GRM3: variants seen among roughly 807,000 people sequenced by gnomAD.
The protein encoded by GRM3 is metabotropic glutamate receptor 3.
GRM3 carries 26 observed loss-of-function variants against 70.5 expected under a neutral mutation model. The ratio of observed to expected loss-of-function variants is 0.37; its 90% CI spans 0.27 to 0.51. The LOEUF is 0.51. Among genes scored for constraint, GRM3 ranks in the 20% least tolerant of loss-of-function variants. The probability of loss-of-function intolerance (pLI) is 0.93; values close to 1 mark genes in which losing one functional copy is unlikely to be tolerated. For synonymous variants in GRM3, 443 were observed against 434.9 expected (o/e 1.02, Z -0.23); for missense variants, 859 against 1,123.8 (o/e 0.76, Z 3.37).
intron 1 of GRM3, among the ~76,000 whole-genome samples, chr7:86,694,305 C>A (rs1246914378): frequency 2.0e-5 from 3 of 151,864 alleles, no homozygotes; most frequent in African/African-American, 7.3e-5. Context: ...GCGGGCAGAT[C>A]ACGAGGTCAG....
intron 4 of GRM3, among the ~76,000 whole-genome samples, chr7:86,842,669 C>T (rs916313502): frequency 1.3e-5 from 2 of 152,172 alleles, no homozygotes; most frequent in African/African-American, 4.8e-5. Context: ...GTTTATATCT[C>T]AGTACTTTGC....
chr7:86,695,169 C>CA (rs931243072), intron 1 of GRM3, among the ~76,000 whole-genome samples: 11 of 151,650 alleles, frequency 7.3e-5, no homozygotes, highest in African/African-American at 1.7e-4. Context: ...GAACTGTAGG[C>CA]AAAAAAAGAC....
intron 4 of GRM3, among the ~76,000 whole-genome samples, chr7:86,842,663 A>C (rs527603794): frequency 6.6e-6 from 1 of 152,322 alleles, no homozygotes; most frequent in African/African-American, 2.4e-5. Context: ...AACAAGGTTT[A>C]TATCTCAGTA....
chr7:86,807,352 C>T (rs374462903), intron 3 of GRM3, among the ~76,000 whole-genome samples: 1 of 114,542 alleles, frequency 8.7e-6, no homozygotes, highest in Admixed American at 8.1e-5. Flanking sequence ...GCCATTTTCA[C>T]GATATTGATT....
chr7:86,856,957 G>T (rs1798861737), intron 5 of GRM3, among the ~76,000 whole-genome samples: 1 of 151,996 alleles, frequency 6.6e-6, no homozygotes, highest in Non-Finnish European at 1.5e-5. Flanking sequence ...GAGAAAACTA[G>T]GGCCCTATCT....
intron 1 of GRM3, among the ~76,000 whole-genome samples, chr7:86,713,286 A>G (rs950572042): frequency 1.3e-5 from 2 of 152,024 alleles, no homozygotes; most frequent in African/African-American, 4.8e-5. Context: ...CTTTTGAGAA[A>G]TATATATTCA....
At chr7:86,715,187 C>T (rs1584188560) in intron 1 of GRM3, among the ~76,000 whole-genome samples, 2 of 151,952 alleles carry the variant, frequency 1.3e-5, no homozygotes, top group Admixed American at 1.3e-4. Context: ...CAATAAAGGT[C>T]AAATATAAAT....
At position 86,839,490 on chromosome 7, in the gene GRM3, T is replaced by C; in HGVS notation, c.1976T>C (p.Leu659Pro). 6.2e-7 allele frequency: 1 copy of C among 1,610,400 alleles called. No homozygotes were observed. The highest frequency in any genetic ancestry group is 8.5e-7 in the Non-Finnish European group (1 of 1,177,866). The change falls in exon 4 of 6, where the codon CTG (leucine) becomes CCG (proline). Residue 659 changes from leucine (L) to proline (P), a missense_variant. Transcript: ENST00000361669. This position sits in a 1 kb window ranked among gnomAD's most constrained non-coding sequence, Gnocchi z 4.5. The part of the protein sequence containing the change: ...GSSFAICYSA[L>P]LTKTNCIARI... ...TCCTTCGCTATCTGTTACTCAGCCC[T>C]GCTGACCAAGACAAACTGCATTGCC...
intron 3 of GRM3, among the ~76,000 whole-genome samples, chr7:86,824,114 G>A (rs1272159087): frequency 6.6e-6 from 1 of 152,156 alleles, no homozygotes; most frequent in African/African-American, 2.4e-5. Context: ...AGCCAGTGAA[G>A]GTAGAACTCC....
chr7:86,780,677 A>G (rs532980917), intron 2 of GRM3, among the ~76,000 whole-genome samples: 20 of 152,304 alleles, frequency 1.3e-4, no homozygotes, highest in African/African-American at 4.8e-4. Flanking sequence ...CAGAAAGCCA[A>G]ATCTGACTCT....
intron 1 of GRM3, among the ~76,000 whole-genome samples, chr7:86,658,137 G>A (rs1022141581): frequency 1.3e-5 from 2 of 152,190 alleles, no homozygotes. Context: ...CCAGGGCTCT[G>A]CAAGAGCCAC....
chr7:86,700,192 C>G (rs574076846), intron 1 of GRM3, among the ~76,000 whole-genome samples: 1 of 152,068 alleles, frequency 6.6e-6, no homozygotes, highest in East Asian at 1.9e-4. Context: ...ATCTTAGAGA[C>G]AGGAATACCT....
intron 1 of GRM3, among the ~76,000 whole-genome samples, chr7:86,702,317 T>G (rs1019191499): frequency 2.0e-5 from 3 of 152,024 alleles, no homozygotes; most frequent in Admixed American, 6.6e-5. Flanking sequence ...GCCTGGCTGG[T>G]TAGTCCTGCA....
At chr7:86,823,102 T>C (rs1798155905) in intron 3 of GRM3, among the ~76,000 whole-genome samples, 1 of 152,096 alleles carries the variant, frequency 6.6e-6, no homozygotes, top group African/African-American at 2.4e-5. Context: ...GGGGACAGAC[T>C]AGGAACAGAA....
At chr7:86,830,851 C>T (rs1336143703) in intron 3 of GRM3, among the ~76,000 whole-genome samples, 1 of 152,100 alleles carries the variant, frequency 6.6e-6, no homozygotes, top group Non-Finnish European at 1.5e-5. Flanking sequence ...TTAGGGTGGG[C>T]CCCAGTCCAA....
Position 86,786,359 on chromosome 7 carries a change from G to T in GRM3, c.567G>T (p.Arg189Ser). ...SDKSRYDYFA[R>S]TVPPDFYQAK... is the part of the protein sequence containing the mutation. ...AGTCGCGCTATGATTACTTTGCCAG[G>T]ACCGTGCCCCCCGACTTCTACCAGG... The change falls in exon 3 of 6, where the codon AGG (arginine) becomes AGT (serine). Residue 189 changes from arginine to serine, a missense_variant. Physicochemically the swap from Arg to Ser is moderately radical, Grantham distance 110. Coordinates refer to ENST00000361669, the MANE Select transcript of GRM3 (RefSeq NM_000840.3). The surrounding 1 kb of genome is among the most constrained non-coding windows in gnomAD (Gnocchi z 6.0). The T allele has an allele frequency of 6.2e-7, 1 of 1,614,154 alleles. No homozygotes were observed.
intron 1 of GRM3, chr7:86,710,256 AT>A (rs1432874918): frequency 6.6e-6 from 1 of 151,948 alleles, no homozygotes; most frequent in Non-Finnish European, 1.5e-5. Context: ...CTAACTTTGA[AT>A]TTAGTTAGTT....
At chr7:86,711,758 T>C (rs923400650) in intron 1 of GRM3, among the ~76,000 whole-genome samples, 4 of 152,094 alleles carry the variant, frequency 2.6e-5, no homozygotes, top group Non-Finnish European at 5.9e-5. Flanking sequence ...GTTTGCTGGA[T>C]TCATCTTTTT....
At chr7:86,683,616 A>G (rs1335825025) in intron 1 of GRM3, among the ~76,000 whole-genome samples, 4 of 152,158 alleles carry the variant, frequency 2.6e-5, no homozygotes, top group African/African-American at 9.7e-5. Flanking sequence ...GATAGCATTG[A>G]TATCACCGAC....
Sources: allele counts gnomAD v4.1 joint callset (sites outside exome capture counted in the v4.1 genomes callset), GRCh38; gene constraint gnomAD v4.1.1; non-coding constraint Gnocchi (gnomAD v3.1); transcripts MANE v1.5; gene names NCBI Gene and HGNC (gene_info 2026-07-23, HGNC 2026-07-21).